Variants in DHX35 observed in about 807,000 individuals in gnomAD.
DHX35 encodes the protein DEAH-box helicase 35.
In DHX35, 84 loss-of-function variants were observed where a neutral mutation model predicts 99.6. The observed-to-expected ratio is 0.84, with a 90% CI of 0.71 to 1.01. DHX35 has a LOEUF of 1.01. Among genes scored for constraint, DHX35 ranks in the 50% least tolerant of loss-of-function variants. The probability of loss-of-function intolerance (pLI) is 0.00; values close to 1 mark genes in which losing one functional copy is unlikely to be tolerated. For missense variants in DHX35, 852 were observed against 888.5 expected, an observed-to-expected ratio of 0.96 and a Z score of 0.52; for synonymous variants, 331 against 316.2, an observed-to-expected ratio of 1.05 and a Z score of -0.50.
At chr20:38,977,872 T>C (rs753731559) in intron 3 of DHX35, 1 of 572,756 alleles carries the variant, frequency 1.7e-6, no homozygotes, top group Non-Finnish European at 3.4e-6. Context: ...GGCTGGAGTA[T>C]CTTGTATAGC....
chr20:38,989,374 A>G (rs1413642032), intron 5 of DHX35, among the ~76,000 whole-genome samples: 1 of 150,700 alleles, frequency 6.6e-6, no homozygotes, highest in African/African-American at 2.5e-5. Flanking sequence ...CAGCCTCCCA[A>G]AGTGCTGGGA....
rs766954562 is a variant in DHX35, at chr20:39,025,208, C to T, written c.1672-22C>T. 3 of 1,595,382 alleles carry T rather than the reference C, an allele frequency of 1.9e-6. No homozygotes were observed. The South Asian group carries it at 3.4e-5, about 18-fold the overall frequency. On this transcript the variant is annotated intron_variant, in intron 17 of 21. Transcript: ENST00000252011. ...GAGAACATATCTGTTTTCTAACTCC[C>T]TCTCTCTGGGTTGTTCTGTAGCACA...
intron 8 of DHX35, among the ~76,000 whole-genome samples, chr20:38,999,979 C>T (rs1466398655): frequency 1.3e-5 from 2 of 152,206 alleles, no homozygotes; most frequent in Non-Finnish European, 2.9e-5. Context: ...TTTATTTGAA[C>T]CTCACAGCAA....
chr20:38,985,210 C>G (rs1041830826), intron 4 of DHX35, among the ~76,000 whole-genome samples: 4 of 152,054 alleles, frequency 2.6e-5, no homozygotes, highest in African/African-American at 9.6e-5. Flanking sequence ...TAGCAAGACC[C>G]TGTCTCTACA....
At position 38,972,519 on chromosome 20, in the gene DHX35, C is replaced by T. The variant is rs759448324; in HGVS notation, c.175-40C>T. On this transcript the variant is annotated intron_variant, in intron 2 of 21. Transcript: ENST00000252011. ...ATATCGTTGTTTAGGTCTTTTGAGACAATGTATGGCTATTTGCAAGGTGTG... is the reference window on the plus strand; with the variant it reads ...ATATCGTTGTTTAGGTCTTTTGAGATAATGTATGGCTATTTGCAAGGTGTG... 7 of 1,316,390 alleles carry T rather than the reference C, an allele frequency of 5.3e-6. No individual in the cohort carries two copies. In the South Asian group the frequency reaches 7.2e-5, roughly 14 times the overall value. The allele number at this position is 1,316,390 out of a possible 1,614,324, so 81.5% of individuals were successfully genotyped here.
rs1600453645 is a variant in DHX35, at chr20:39,030,721, A to G, written c.1901A>G (p.His634Arg). The G allele has an allele frequency of 3.7e-6, 6 of 1,614,170 alleles. No homozygotes were observed. In the East Asian group the frequency reaches 6.7e-5, roughly 18 times the overall value. The change falls in exon 20 of 22, where the codon CAT becomes CGT. Residue 634 changes from histidine (H) to arginine (R), a missense_variant. By Grantham distance (29) the His-to-Arg change is conservative. Transcript: ENST00000252011. Reference protein sequence around the residue: ...TGAYRTIRDDHELHIHPASVL... With the variant: ...TGAYRTIRDDRELHIHPASVL... Reference sequence around the variant, plus strand: ...GTTCCAAGGACCATCCGTGATGACCATGAGCTGCACATACACCCTGCGTCA... The same window carrying G: ...GTTCCAAGGACCATCCGTGATGACCGTGAGCTGCACATACACCCTGCGTCA...
chr20:39,000,811 C>A (rs1386120634), intron 8 of DHX35, among the ~76,000 whole-genome samples: 1 of 152,114 alleles, frequency 6.6e-6, no homozygotes, highest in African/African-American at 2.4e-5. Context: ...AAAGGGCACC[C>A]AGATTCAAAT....
At chr20:39,037,456 C>T (rs2087172918) in intron 21 of DHX35, among the ~76,000 whole-genome samples, 2 of 152,184 alleles carry the variant, frequency 1.3e-5, no homozygotes, top group Non-Finnish European at 1.5e-5. Flanking sequence ...TACCCGGGTC[C>T]TGTTCGCTCT....
At chr20:39,006,004 A>G (rs1375448609) in intron 11 of DHX35, 142 bp from the exon 12 acceptor site, 3 of 953,228 alleles carry the variant, frequency 3.1e-6, no homozygotes, top group African/African-American at 3.3e-5. Flanking sequence ...TGACTTGGAA[A>G]CTCACAGTCT....
In DHX35 at chr20:39,003,893, C is replaced by T. The variant is rs369791121; in HGVS notation, c.997C>T (p.Arg333Cys). 5 of 1,614,090 alleles carry T rather than the reference C, an allele frequency of 3.1e-6. No individual in the cohort carries two copies. The highest frequency in any genetic ancestry group is 4.2e-6 in the Non-Finnish European group (5 of 1,179,996). Residue 333 changes from arginine (R) to cysteine (C), a missense_variant, in exon 11 of 22, where the codon CGC becomes TGC. Arg to Cys is a radical substitution (Grantham distance 180, BLOSUM62 -3). Transcript: ENST00000252011. ...AATGAAAGTGTTTGAAAGGGTGTCA[C>T]GCAGTGTCAGAAAGGTGAGACTATC... ...EQMKVFERVS[R>C]SVRKVIVATN...
chr20:39,035,005 C>T (rs1164571270), intron 21 of DHX35, among the ~76,000 whole-genome samples: 1 of 152,212 alleles, frequency 6.6e-6, no homozygotes, highest in Non-Finnish European at 1.5e-5. Context: ...AGTGGTGCTC[C>T]TGCCTTGGTC....
At chr20:39,025,850 C>T (rs918509616) in intron 18 of DHX35, among the ~76,000 whole-genome samples, 2 of 152,196 alleles carry the variant, frequency 1.3e-5, no homozygotes, top group African/African-American at 4.8e-5. Flanking sequence ...ACAGTGACTA[C>T]TATTAATCAG....
chr20:39,024,843 G>A (rs912517982), intron 17 of DHX35, among the ~76,000 whole-genome samples: 2 of 152,206 alleles, frequency 1.3e-5, no homozygotes, highest in Non-Finnish European at 2.9e-5. Flanking sequence ...ACATTGGCAA[G>A]TGTCATATTG....
intron 3 of DHX35, chr20:38,978,383 G>C: frequency 4.3e-6 from 3 of 704,466 alleles, no homozygotes; most frequent in South Asian, 4.2e-5. Context: ...TAGTTCTGGG[G>C]CCTCACAGGG....
intron 3 of DHX35, among the ~76,000 whole-genome samples, chr20:38,973,790 G>C (rs979637004): frequency 2.0e-5 from 3 of 152,136 alleles, no homozygotes; most frequent in African/African-American, 7.2e-5. Context: ...CTCCTTTCAG[G>C]CTACCACACA....
At chr20:39,015,772 C>T (rs2086775404) in intron 14 of DHX35, among the ~76,000 whole-genome samples, 1 of 152,126 alleles carries the variant, frequency 6.6e-6, no homozygotes, top group Admixed American at 6.6e-5. Flanking sequence ...GTGCAACCAT[C>T]ACCACAGTCT....
chr20:39,001,860 T>C lies in DHX35; in HGVS notation c.755+18T>C, dbSNP rs2145894812. 6.4e-7 allele frequency: 1 copy of C among 1,565,490 alleles called. No individual in the cohort carries two copies. The highest frequency in any genetic ancestry group is 1.4e-5 in the African/African-American group (1 of 73,872). On this transcript the variant is annotated intron_variant, in intron 9 of 21. Transcript: ENST00000252011. The stretch of plus-strand genomic sequence containing the variant: ...CTACAAAGGTTTGATGATGCTTGAA[T>C]TCTGGATGATGGTGTTTAGAAAACT...
chr20:38,997,423 C>T (rs1021268899), intron 8 of DHX35, among the ~76,000 whole-genome samples: 4 of 152,040 alleles, frequency 2.6e-5, no homozygotes, highest in African/African-American at 9.7e-5. Flanking sequence ...CTTTTATTGT[C>T]TTGGTGGAAC....
intron 21 of DHX35, among the ~76,000 whole-genome samples, chr20:39,034,806 A>G (rs1037292564): frequency 1.4e-5 from 2 of 148,098 alleles, no homozygotes; most frequent in Non-Finnish European, 3.0e-5. Flanking sequence ...TAATAGAGAC[A>G]ACGGTTTCAC....
Sources: allele counts gnomAD v4.1 joint callset (sites outside exome capture counted in the v4.1 genomes callset), GRCh38; gene constraint gnomAD v4.1.1; transcripts MANE v1.5; gene names NCBI Gene and HGNC (gene_info 2026-07-23, HGNC 2026-07-21).